The following XRCC2 variants were observed in gnomAD, a reference collection of about 807,000 sequenced individuals.
The protein encoded by XRCC2 is DNA repair protein XRCC2.
XRCC2 carries 24 observed loss-of-function variants against 27.3 expected under a neutral mutation model. The ratio of observed to expected loss-of-function variants is 0.88; its 90% confidence interval spans 0.64 to 1.24. The LOEUF (loss-of-function observed/expected upper bound fraction) is 1.24, where lower values mean the gene tolerates loss of function less well. Among genes scored for constraint, XRCC2 ranks in the 50% most tolerant of loss-of-function variants. The probability of loss-of-function intolerance (pLI) is 0.00; values close to 1 mark genes in which losing one functional copy is unlikely to be tolerated. For missense variants in XRCC2, 321 were observed against 325.8 expected (o/e 0.99, Z 0.11); for synonymous variants, 106 against 115.4 (o/e 0.92, Z 0.52).
At chr7:152,660,002 T>C (rs748225533) in intron 2 of XRCC2, among the ~76,000 whole-genome samples, 41 of 152,194 alleles carry the variant, frequency 2.7e-4, no homozygotes, top group Non-Finnish European at 4.7e-4. Context: ...CACTGAATTA[T>C]ACAATTCAGT....
At chr7:152,670,777 TTAG>T (rs1013728292) in intron 1 of XRCC2, among the ~76,000 whole-genome samples, 22 of 152,250 alleles carry the variant, frequency 1.4e-4, no homozygotes, top group African/African-American at 5.1e-4. Flanking sequence ...TTTTGTATTT[TTAG>T]TAGAGACAGG....
chr7:152,658,297 C>A (rs569344639), intron 2 of XRCC2, among the ~76,000 whole-genome samples: 1 of 152,052 alleles, frequency 6.6e-6, no homozygotes, highest in African/African-American at 2.4e-5. Flanking sequence ...ACTGCAGGCG[C>A]CTGCCACCAC....
rs3218413 is a variant in XRCC2 at position 152,669,584 on chromosome 7, G to A, written c.39+6457C>T. Among the ~76,000 whole-genome samples the A allele has an allele frequency of 9.0e-3, 1,372 of 151,918 alleles. 19 individuals are homozygous for A. The highest frequency in any genetic ancestry group is 0.03 in the African/African-American group (1,247 of 41,470). On this transcript the variant is annotated intron_variant, in intron 1 of 2. Coordinates refer to ENST00000359321, the MANE Select transcript of XRCC2 (RefSeq NM_005431.2). Reference sequence around the variant, plus strand: ...AACCCGGCTATTTTTTCTATTTTTAGTAGAGACGGAGTTTCACCATGTTGG... The same window carrying A: ...AACCCGGCTATTTTTTCTATTTTTAATAGAGACGGAGTTTCACCATGTTGG...
intron 2 of XRCC2, among the ~76,000 whole-genome samples, chr7:152,654,914 T>A (rs1240852719): frequency 6.6e-6 from 1 of 152,206 alleles, no homozygotes; most frequent in Non-Finnish European, 1.5e-5. Context: ...TGAACTGAAA[T>A]CAGTTTTACT....
intron 1 of XRCC2, among the ~76,000 whole-genome samples, chr7:152,674,814 C>A (rs1350376399): frequency 2.6e-5 from 2 of 75,834 alleles, no homozygotes; most frequent in African/African-American, 5.3e-5. Context: ...TAACTGTAGC[C>A]GTTCTTATAC....
chr7:152,648,847 G>C lies in XRCC2; in HGVS notation c.638C>G (p.Ser213Cys). The change falls in exon 3 of 3, where the codon TCT becomes TGT. Residue 213 changes from serine to cysteine, a missense_variant. By Grantham distance (112) the Ser-to-Cys change is moderately radical. Coordinates refer to ENST00000359321, the MANE Select transcript of XRCC2 (RefSeq NM_005431.2). ...TATGTCCACATCACACAGTCGTCGA[G>C]AGGCATGAGAAGGTTCTTCTGATGA... ...SSSSEEPSHASRRLCDVDIDY... is the reference protein window; with the variant it reads ...SSSSEEPSHACRRLCDVDIDY... 1.2e-6 allele frequency: 2 copies of C among 1,613,788 alleles called. No homozygotes were observed. The highest frequency in any genetic ancestry group is 4.5e-5 in the East Asian group (2 of 44,876).
chr7:152,675,227 T>C (rs2098040389), intron 1 of XRCC2, among the ~76,000 whole-genome samples: 1 of 152,098 alleles, frequency 6.6e-6, no homozygotes, highest in Non-Finnish European at 1.5e-5. Flanking sequence ...CCCGACTGTC[T>C]CCGCTCTGAA....
rs1252484061 is a variant in XRCC2, at chr7:152,648,840, T to G, written c.645A>C (p.Arg215=). The G allele has an allele frequency of 6.2e-7, 1 of 1,613,900 alleles. No individual in the cohort carries two copies. Among genetic ancestry groups the G allele is most frequent in the Non-Finnish European group, 8.5e-7 (1 of 1,179,782 alleles). The change falls in exon 3 of 3, where the codon CGA becomes CGC. Residue 215 remains arginine (R), a synonymous_variant. Coordinates refer to ENST00000359321, the MANE Select transcript of XRCC2 (RefSeq NM_005431.2). ...TGTAGTCTATGTCCACATCACACAG[T>G]CGTCGAGAGGCATGAGAAGGTTCTT... is the stretch of plus-strand genomic sequence containing the variant. ...SSEEPSHASR[R]LCDVDIDYRP...
intron 1 of XRCC2, among the ~76,000 whole-genome samples, chr7:152,670,102 T>C (rs992207197): frequency 2.0e-5 from 3 of 152,130 alleles, no homozygotes; most frequent in Admixed American, 2.0e-4. Context: ...TAAATATAAA[T>C]TGTGTACTGA....
intron 1 of XRCC2, among the ~76,000 whole-genome samples, chr7:152,662,796 A>G (rs2098033763): frequency 6.6e-6 from 1 of 150,764 alleles, no homozygotes; most frequent in African/African-American, 2.4e-5. Context: ...GATGGTCTCG[A>G]TCTCCTGACC....
chr7:152,649,997 C>T (rs1055369435), intron 2 of XRCC2, among the ~76,000 whole-genome samples: 5 of 152,188 alleles, frequency 3.3e-5, no homozygotes, highest in African/African-American at 7.2e-5. Context: ...TCTGGGCACA[C>T]GGAGCCCCCA....
At position 152,648,856 on chromosome 7, in the gene XRCC2, G is replaced by A. The variant is rs1167218811; in HGVS notation, c.629C>T (p.Ser210Phe). Reference sequence around the variant, plus strand: ...ATCACACAGTCGTCGAGAGGCATGAGAAGGTTCTTCTGATGAGCTCGAGGC... The same window carrying A: ...ATCACACAGTCGTCGAGAGGCATGAAAAGGTTCTTCTGATGAGCTCGAGGC... ...QKASSSSEEP[S>F]HASRRLCDVD... The change falls in exon 3 of 3, where the codon TCT (serine) becomes TTT (phenylalanine). Residue 210 changes from serine (S) to phenylalanine (F), a missense_variant. Coordinates refer to ENST00000359321, the MANE Select transcript of XRCC2 (RefSeq NM_005431.2). 1.2e-6 allele frequency: 2 copies of A among 1,613,922 alleles called. No homozygotes were observed. Among genetic ancestry groups the A allele is most frequent in the Non-Finnish European group, 1.7e-6 (2 of 1,179,814 alleles).
intron 1 of XRCC2, among the ~76,000 whole-genome samples, chr7:152,672,604 G>C (rs3218400): frequency 6.6e-6 from 1 of 152,124 alleles, no homozygotes; most frequent in Non-Finnish European, 1.5e-5. Context: ...TGAACTTCCA[G>C]TCCAATATTC....
rs374213093 is a variant in XRCC2 at position 152,648,816 on chromosome 7, G to A, written c.669C>T (p.Tyr223=). ...GCCATGCCTTACAGAGATAAGGTCT[G>A]TAGTCTATGTCCACATCACACAGTC... ...SRRLCDVDID[Y]RPYLCKAWQQ... Residue 223 remains tyrosine, a synonymous_variant, in exon 3 of 3, where the codon TAC becomes TAT. Transcript: ENST00000359321. 3.5e-5 allele frequency: 57 copies of A among 1,613,990 alleles called. No homozygotes were observed. The highest frequency in any genetic ancestry group is 4.1e-5 in the Non-Finnish European group (48 of 1,179,988).
intron 1 of XRCC2, among the ~76,000 whole-genome samples, chr7:152,671,455 G>A (rs758101722): frequency 6.6e-6 from 1 of 151,944 alleles, no homozygotes; most frequent in Non-Finnish European, 1.5e-5. Flanking sequence ...TCAAAAAAGA[G>A]GTAAAAGGTA....
At position 152,660,798 on chromosome 7, in the gene XRCC2, A is replaced by G. The variant is rs41274991; in HGVS notation, c.40-16T>C. 2,573 of 1,583,248 alleles carry G rather than the reference A, an allele frequency of 1.6e-3. 4 individuals are homozygous for G. Among genetic ancestry groups the G allele is most frequent in the Admixed American group, 3.6e-3 (201 of 55,838 alleles). ...GGGCAAGGAGCTTATAAAAGAAGAG[A>G]GAAGGAAAACTCATTATTTAAAAAT... On this transcript the variant is annotated splice_polypyrimidine_tract_variant and intron_variant, in intron 1 of 2. Transcript: ENST00000359321.
At chr7:152,674,717 TTTTTAAATATATATTATATATA>T (rs2098039777) in intron 1 of XRCC2, among the ~76,000 whole-genome samples, 3 of 68,096 alleles carry the variant, frequency 4.4e-5, no homozygotes, top group African/African-American at 1.0e-4. Context: ...ATATAATATA[TTTTTAAATATATATTATATATA>T]AATATATTTT....
In XRCC2 at chr7:152,646,406, G is replaced by T. The variant is rs1326671340; in HGVS notation, c.*2236C>A. The T allele has an allele frequency of 3.3e-5, 5 of 151,816 alleles. No homozygotes were observed. The highest frequency in any genetic ancestry group is 1.2e-4 in the African/African-American group (5 of 41,322). The allele number at this position is 151,816 out of a possible 1,614,324, so 9.4% of individuals were successfully genotyped here. On this transcript the variant is annotated 3_prime_UTR_variant, in exon 3 of 3. Coordinates refer to ENST00000359321, the MANE Select transcript of XRCC2 (RefSeq NM_005431.2). ...GAAAACATGCAGTATCTGGTTTTCT[G>T]TTCCTATGTTAGTTTGCTAAGGATA...
chr7:152,664,948 T>C (rs2098034923), intron 1 of XRCC2, among the ~76,000 whole-genome samples: 1 of 151,160 alleles, frequency 6.6e-6, no homozygotes, highest in African/African-American at 2.4e-5. Flanking sequence ...GTGTGACCAG[T>C]ATATGACCTT....
Sources: allele counts gnomAD v4.1 joint callset (sites outside exome capture counted in the v4.1 genomes callset), GRCh38; gene constraint gnomAD v4.1.1; transcripts MANE v1.5; gene names NCBI Gene and HGNC (gene_info 2026-07-23, HGNC 2026-07-21).